The following DENND5A variants were observed in gnomAD, a reference collection of about 807,000 sequenced individuals.
DENND5A encodes the protein DENN domain containing 5A.
Under a neutral mutation model 140.3 loss-of-function variants are expected in DENND5A, and 64 were observed. The observed-to-expected ratio is 0.46, with a 90% confidence interval of 0.37 to 0.56. The LOEUF (loss-of-function observed/expected upper bound fraction) is 0.56. Among genes scored for constraint, DENND5A ranks in the 20% least tolerant of loss-of-function variants. DENND5A has a pLI of 0.00. For synonymous variants in DENND5A, 605 were observed against 607.7 expected (o/e 1.00, Z 0.07); for missense variants, 1,292 against 1,593.8 (o/e 0.81, Z 3.22).
chr11:9,145,246 T>C (rs1364339299), intron 17 of DENND5A, 133 bp from the exon 18 acceptor site: 25 of 697,934 alleles, frequency 3.6e-5, no homozygotes, highest in Non-Finnish European at 6.4e-5. Flanking sequence ...GTCATGGCTC[T>C]ACATACCGCC....
intron 5 of DENND5A, among the ~76,000 whole-genome samples, chr11:9,182,369 C>T (rs1157021841): frequency 1.3e-5 from 2 of 152,058 alleles, no homozygotes; most frequent in Non-Finnish European, 2.9e-5. Flanking sequence ...TCTAGCTATC[C>T]CTATTTTACA....
chr11:9,151,113 G>C (rs1010902686), intron 13 of DENND5A, among the ~76,000 whole-genome samples: 1 of 152,158 alleles, frequency 6.6e-6, no homozygotes, highest in Non-Finnish European at 1.5e-5. Flanking sequence ...CTGGCTCCTA[G>C]TCTATCATGC....
intron 1 of DENND5A, among the ~76,000 whole-genome samples, chr11:9,254,147 ACT>A (rs1380347280): frequency 7.1e-6 from 1 of 141,248 alleles, no homozygotes; most frequent in Non-Finnish European, 1.5e-5. Flanking sequence ...CAAGAGCGAA[ACT>A]CTGTCTCAGA....
chr11:9,161,117 T>A (rs1000302609), intron 11 of DENND5A, among the ~76,000 whole-genome samples: 2 of 152,118 alleles, frequency 1.3e-5, no homozygotes, highest in African/African-American at 2.4e-5. Flanking sequence ...GGAGGCCTAG[T>A]TGGGCGGATC....
intron 1 of DENND5A, among the ~76,000 whole-genome samples, chr11:9,255,115 C>A (rs1426911159): frequency 1.3e-5 from 2 of 151,952 alleles, no homozygotes; most frequent in East Asian, 3.9e-4. Context: ...AAATAAAAAT[C>A]TTTGTCTTCT....
chr11:9,192,676 T>C (rs532375033), intron 5 of DENND5A, among the ~76,000 whole-genome samples: 2 of 142,208 alleles, frequency 1.4e-5, no homozygotes, highest in Non-Finnish European at 3.1e-5. Context: ...CCCAAAAAAA[T>C]GGTGGTGGAA....
At chr11:9,142,234 T>A in intron 21 of DENND5A, 126 bp from the exon 22 acceptor site, 1 of 674,624 alleles carries the variant, frequency 1.5e-6, no homozygotes, top group Non-Finnish European at 2.4e-6. Context: ...GCACAAGTGT[T>A]CTGATGTCAC....
At chr11:9,201,588 TGAGCATGGGAG>T (rs1236480248) in intron 4 of DENND5A, among the ~76,000 whole-genome samples, 1 of 152,072 alleles carries the variant, frequency 6.6e-6, no homozygotes, top group Non-Finnish European at 1.5e-5. Flanking sequence ...GAGGATCACT[TGAGCATGGGAG>T]GACGAGGCTG....
intron 1 of DENND5A, among the ~76,000 whole-genome samples, chr11:9,212,007 G>C (rs1849900312): frequency 6.6e-6 from 1 of 151,432 alleles, no homozygotes; most frequent in Non-Finnish European, 1.5e-5. Context: ...AAGCAGATTG[G>C]AAATGACAGG....
rs768313474 is a variant in DENND5A at position 9,181,063 on chromosome 11, T to C, written c.1159A>G (p.Ile387Val). The C allele has an allele frequency of 2.0e-5, 32 of 1,614,036 alleles. 1 individual carries two copies. The highest frequency in any genetic ancestry group is 2.5e-5 in the Non-Finnish European group (29 of 1,179,948). Residue 387 changes from isoleucine (I) to valine (V), a missense_variant, in exon 6 of 23, where the codon ATT becomes GTT. Around this residue, in one of 4 missense-constraint regions of DENND5A, gnomAD observed 566 missense variants for 650.4 expected, o/e 0.87. Transcript: ENST00000328194. ...GGCAACTCAATGAAGTGGTTGTCAATGTCCACAAAGCAGAGGTTAGCCTGG... is the reference window on the plus strand; with the variant it reads ...GGCAACTCAATGAAGTGGTTGTCAACGTCCACAAAGCAGAGGTTAGCCTGG... ...PQEANLCFVDIDNHFIELPED... is the reference protein window; with the variant it reads ...PQEANLCFVDVDNHFIELPED...
chr11:9,178,134 G>A lies in DENND5A; in HGVS notation c.1904C>T (p.Ala635Val). Residue 635 changes from alanine (A) to valine (V), a missense_variant and splice_region_variant, in exon 8 of 23, where the codon GCA becomes GTA. Around this residue, in one of 4 missense-constraint regions of DENND5A, gnomAD observed 199 missense variants for 189.1 expected, o/e 1.05. Coordinates refer to ENST00000328194, the MANE Select transcript of DENND5A (RefSeq NM_015213.4). ...MYQKCTTVDE[A>V]EKAIELRLAK... Reference sequence around the variant, plus strand: ...GTACATTTCCAAGGAGGCCTTACCTGCTTCATCCACAGTGGTACACTTCTG... The same window carrying A: ...GTACATTTCCAAGGAGGCCTTACCTACTTCATCCACAGTGGTACACTTCTG... 1 of 1,609,032 alleles carries A rather than the reference G, an allele frequency of 6.2e-7. No homozygotes were observed. The highest frequency in any genetic ancestry group is 8.5e-7 in the Non-Finnish European group (1 of 1,175,312).
rs772057315 is a variant in DENND5A at position 9,203,730 on chromosome 11, G to C, written c.879C>G (p.Leu293=). Reference sequence around the variant, plus strand: ...AAAGCTGAAACACATTCTCCACCCCGAGCAGTTCAAAAACCTCTTTGACAG... The same window carrying C: ...AAAGCTGAAACACATTCTCCACCCCCAGCAGTTCAAAAACCTCTTTGACAG... ...DFPVKEVFEL[L]GVENVFQLFT... The change falls in exon 4 of 23, where the codon CTC becomes CTG. Residue 293 remains leucine, a synonymous_variant. Coordinates refer to ENST00000328194, the MANE Select transcript of DENND5A (RefSeq NM_015213.4). 9 of 1,614,084 alleles carry C rather than the reference G, an allele frequency of 5.6e-6. No individual in the cohort carries two copies. Among genetic ancestry groups the C allele is most frequent in the Admixed American group, 1.7e-5 (1 of 60,004 alleles).
chr11:9,153,976 C>T (rs1174327104), intron 12 of DENND5A, among the ~76,000 whole-genome samples: 2 of 152,166 alleles, frequency 1.3e-5, no homozygotes, highest in South Asian at 2.1e-4. Context: ...TACATCATAA[C>T]CCTTGTTAAG....
intron 9 of DENND5A, 49 bp downstream of exon 9, chr11:9,170,578 C>T (rs1848336728): frequency 1.2e-6 from 2 of 1,609,098 alleles, no homozygotes; most frequent in Non-Finnish European, 1.7e-6. Context: ...ACTAGATGAC[C>T]CTATTACAGC....
At chr11:9,171,692 C>G (rs2136159999) in intron 8 of DENND5A, 1 of 114,908 alleles carries the variant, frequency 8.7e-6, no homozygotes, top group Non-Finnish European at 1.8e-5. Flanking sequence ...GAGACCTCAT[C>G]TCTTCAAAAA....
At position 9,189,396 on chromosome 11, in the gene DENND5A, A is replaced by G. The variant is rs555171381; in HGVS notation, c.1137+4098T>C. On this transcript the variant is annotated intron_variant, in intron 5 of 22. Coordinates refer to ENST00000328194, the MANE Select transcript of DENND5A (RefSeq NM_015213.4). ...GTCAGAGCCCCCACACAGAGTCCCT[A>G]CTGAGACACTGCCTAGTGGAGCTGT... 7.9e-5 allele frequency among the ~76,000 whole-genome samples: 12 copies of G among 152,284 alleles called. 1 individual carries two copies. The highest frequency in any genetic ancestry group is 3.4e-3 in the Middle Eastern group (1 of 294).
Position 9,239,644 on chromosome 11 carries a change from T to C in DENND5A, c.109+25317A>G, listed in dbSNP as rs143950784. On this transcript the variant is annotated intron_variant, in intron 1 of 22. Transcript: ENST00000328194. The stretch of plus-strand genomic sequence containing the variant: ...ACTACACTCAGCTTTTCATTTTTTG[T>C]AGAGACGAGGTCTTGCTATGTTGCC... 4.2e-3 allele frequency among the ~76,000 whole-genome samples: 645 copies of C among 152,254 alleles called. 9 individuals carry two copies. Among genetic ancestry groups the C allele is most frequent in the East Asian group, 0.027 (141 of 5,182 alleles).
intron 5 of DENND5A, among the ~76,000 whole-genome samples, chr11:9,189,325 C>T (rs956833497): frequency 2.0e-5 from 3 of 152,180 alleles, no homozygotes; most frequent in East Asian, 3.8e-4. Flanking sequence ...GGGACAGGGC[C>T]CTCATGGAGA....
chr11:9,170,089 A>C (rs1848321549), intron 9 of DENND5A, 140 bp from the exon 10 acceptor site: 1 of 816,446 alleles, frequency 1.2e-6, no homozygotes, highest in Non-Finnish European at 2.0e-6. Context: ...GACAGCTCAG[A>C]GACCTTGAGG....
Sources: allele counts gnomAD v4.1 joint callset (sites outside exome capture counted in the v4.1 genomes callset), GRCh38; gene constraint gnomAD v4.1.1; regional missense constraint gnomAD v4.1.1; transcripts MANE v1.5; gene names NCBI Gene and HGNC (gene_info 2026-07-23, HGNC 2026-07-21).